The following CYP19A1 variants were observed in gnomAD, a reference collection of about 807,000 sequenced individuals.
CYP19A1 encodes aromatase.
Under a neutral mutation model 44.4 loss-of-function variants are expected in CYP19A1, and 32 were observed. That is an observed-to-expected ratio of 0.72 (90% confidence interval 0.54 to 0.97). The LOEUF is 0.97. CYP19A1 is among the 50% of genes least tolerant of loss of function. The pLI, the probability that CYP19A1 is intolerant of heterozygous loss-of-function variation, is 0.00. For missense variants in CYP19A1, 598 were observed against 637.8 expected, an observed-to-expected ratio of 0.94 and a Z score of 0.67; for synonymous variants, 212 against 215.6, an observed-to-expected ratio of 0.98 and a Z score of 0.14.
intron 1 of CYP19A1, among the ~76,000 whole-genome samples, chr15:51,257,642 G>A (rs2034563139): frequency 6.6e-6 from 1 of 152,200 alleles, no homozygotes; most frequent in Admixed American, 6.5e-5. Context: ...TCCAGCGCCT[G>A]AGCCCAGGTC....
intron 1 of CYP19A1, among the ~76,000 whole-genome samples, chr15:51,273,745 C>T (rs2035207310): frequency 1.3e-5 from 2 of 152,098 alleles, no homozygotes; most frequent in African/African-American, 2.4e-5. Context: ...ATGGCTCATG[C>T]CTGTAATCCC....
In CYP19A1 at chr15:51,208,297, C is replaced by G. The variant is rs934633; in HGVS notation, c.*2511G>C. 3 of 152,154 alleles carry G rather than the reference C, an allele frequency of 2.0e-5. No homozygotes were observed. The highest frequency in any genetic ancestry group is 4.4e-5 in the Non-Finnish European group (3 of 68,004). 9.4% of individuals were successfully genotyped at this position (152,154 alleles called of 1,614,324 possible). On this transcript the variant is annotated 3_prime_UTR_variant, in exon 10 of 10. Transcript: ENST00000396402. ...GCTTGCTGGATGTGATTATTTTCCA[C>G]TTGAGAGGGGGAAAATGGGATCTCA...
chr15:51,295,559 G>A (rs2035977131), intron 1 of CYP19A1, among the ~76,000 whole-genome samples: 1 of 152,220 alleles, frequency 6.6e-6, no homozygotes, highest in Non-Finnish European at 1.5e-5. Flanking sequence ...TGACACCCAG[G>A]AGGCTCTCAG....
chr15:51,298,678 T>C (rs537492246), intron 1 of CYP19A1, among the ~76,000 whole-genome samples: 4 of 152,362 alleles, frequency 2.6e-5, no homozygotes, highest in African/African-American at 9.6e-5. Flanking sequence ...CCATCAATCA[T>C]GTTTAGCATT....
At chr15:51,282,996 G>C (rs1165344085) in intron 1 of CYP19A1, among the ~76,000 whole-genome samples, 1 of 152,186 alleles carries the variant, frequency 6.6e-6, no homozygotes, top group African/African-American at 2.4e-5. Context: ...CTATGGAGTT[G>C]GATGAATGGG....
intron 8 of CYP19A1, among the ~76,000 whole-genome samples, chr15:51,214,161 G>C (rs1469218041): frequency 6.6e-6 from 1 of 152,216 alleles, no homozygotes; most frequent in Non-Finnish European, 1.5e-5. Flanking sequence ...AGTCAAGAGA[G>C]GGAAGTCCAC....
At chr15:51,265,811 C>T (rs774376369) in intron 1 of CYP19A1, among the ~76,000 whole-genome samples, 38 of 152,178 alleles carry the variant, frequency 2.5e-4, no homozygotes, top group Non-Finnish European at 3.5e-4. Flanking sequence ...AGGGGCTCTC[C>T]GCTCTCCTCA....
intron 1 of CYP19A1, among the ~76,000 whole-genome samples, chr15:51,320,602 G>C (rs2036510956): frequency 6.6e-6 from 1 of 152,104 alleles, no homozygotes; most frequent in Non-Finnish European, 1.5e-5. Context: ...GTCTCAATCT[G>C]GGAAGACACC....
rs140089123 is a variant in CYP19A1 at position 51,262,975 on chromosome 15, T to A, written c.-38-20025A>T. Reference sequence around the variant, plus strand: ...TAAGTACTTAATTTCAGTTCTGTAATGGAAAAGTTAAGATTTCAAGAAAGA... The same window carrying A: ...TAAGTACTTAATTTCAGTTCTGTAAAGGAAAAGTTAAGATTTCAAGAAAGA... On this transcript the variant is annotated intron_variant, in intron 1 of 9. Transcript: ENST00000396402. Among the ~76,000 whole-genome samples, 1,068 of 152,276 alleles carry A rather than the reference T, an allele frequency of 7.0e-3. 10 individuals carry two copies. The highest frequency in any genetic ancestry group is 0.025 in the African/African-American group (1,026 of 41,548).
chr15:51,240,280 C>T (rs1360614958), intron 2 of CYP19A1, among the ~76,000 whole-genome samples: 2 of 152,094 alleles, frequency 1.3e-5, no homozygotes, highest in Admixed American at 6.5e-5. Context: ...GCAGTAAATA[C>T]GGCTAGAAGA....
intron 1 of CYP19A1, chr15:51,277,113 CTA>C (rs1043863190): frequency 3.3e-5 from 5 of 152,024 alleles, no homozygotes; most frequent in South Asian, 2.1e-4. Context: ...AAAAATAAAA[CTA>C]TGTGTCACTA....
intron 1 of CYP19A1, among the ~76,000 whole-genome samples, chr15:51,267,251 G>A (rs1301530946): frequency 6.6e-6 from 1 of 152,172 alleles, no homozygotes; most frequent in Non-Finnish European, 1.5e-5. Flanking sequence ...GCGAGGCAGG[G>A]GGTGCGGCGA....
chr15:51,237,465 G>A (rs888650042), intron 2 of CYP19A1, among the ~76,000 whole-genome samples: 1 of 152,142 alleles, frequency 6.6e-6, no homozygotes, highest in Non-Finnish European at 1.5e-5. Context: ...ACAATGGGTG[G>A]GTTAAAACTG....
intron 5 of CYP19A1, 110 bp from the exon 6 acceptor site, chr15:51,218,765 T>TG: frequency 6.6e-7 from 1 of 1,524,940 alleles, no homozygotes; most frequent in Non-Finnish European, 8.8e-7. Flanking sequence ...CCTAACAGTC[T>TG]GGGGGTTCTA....
intron 1 of CYP19A1, among the ~76,000 whole-genome samples, chr15:51,273,201 G>A (rs1014464827): frequency 6.6e-5 from 10 of 151,888 alleles, no homozygotes; most frequent in African/African-American, 9.7e-5. Context: ...CACCCACCTC[G>A]GCCTCCCAAA....
chr15:51,225,749 A>G (rs2032516537), intron 4 of CYP19A1, among the ~76,000 whole-genome samples: 1 of 152,152 alleles, frequency 6.6e-6, no homozygotes, highest in South Asian at 2.1e-4. Context: ...CTTAGCAGAT[A>G]TGACTAAGGT....
At chr15:51,327,942 A>T (rs1195721528) in intron 1 of CYP19A1, among the ~76,000 whole-genome samples, 1 of 152,242 alleles carries the variant, frequency 6.6e-6, no homozygotes, top group African/African-American at 2.4e-5. Flanking sequence ...AAGCAATTTT[A>T]TAGAAAAATA....
chr15:51,244,420 C>G (rs1331173334), intron 1 of CYP19A1, among the ~76,000 whole-genome samples: 24 of 151,874 alleles, frequency 1.6e-4, no homozygotes, highest in Non-Finnish European at 1.5e-5. Context: ...CTTTGAGATT[C>G]TCTCCTGAAA....
intron 1 of CYP19A1, 115 bp from the exon 2 acceptor site, chr15:51,243,065 G>A (rs2033873965): frequency 1.1e-5 from 8 of 731,678 alleles, no homozygotes; most frequent in Non-Finnish European, 2.0e-5. Context: ...TTTATAATGT[G>A]ATCAGACATT....
Sources: allele counts gnomAD v4.1 joint callset (sites outside exome capture counted in the v4.1 genomes callset), GRCh38; gene constraint gnomAD v4.1.1; transcripts MANE v1.5; gene names NCBI Gene and HGNC (gene_info 2026-07-23, HGNC 2026-07-21).